PLXNA4: variants seen among roughly 807,000 people sequenced by gnomAD.
PLXNA4 encodes the protein plexin A4, also known as plexin-A4.
A neutral mutation model predicts 191.8 loss-of-function variants in PLXNA4; 44 were observed. The observed-to-expected ratio is 0.23, with a 90% CI of 0.18 to 0.29. PLXNA4 has a LOEUF of 0.29. Ranked by LOEUF, PLXNA4 falls within the 10% of genes least tolerant of loss-of-function variation. The pLI is 1.00. For missense variants in PLXNA4, 1,800 were observed against 2,488.8 expected, an observed-to-expected ratio of 0.72 and a Z score of 5.89; for synonymous variants, 1,082 against 1,009.5, an observed-to-expected ratio of 1.07 and a Z score of -1.36.
intron 3 of PLXNA4, among the ~76,000 whole-genome samples, chr7:132,394,320 C>T (rs1793658266): frequency 6.6e-6 from 1 of 152,108 alleles, no homozygotes; most frequent in Non-Finnish European, 1.5e-5. Flanking sequence ...GGTCCCTCCT[C>T]CCTAGCTAAT....
At chr7:132,257,387 G>T (rs1457428286) in intron 4 of PLXNA4, among the ~76,000 whole-genome samples, 2 of 152,296 alleles carry the variant, frequency 1.3e-5, no homozygotes, top group East Asian at 3.9e-4. Context: ...TCCAAATAAG[G>T]CTCTCTATCA....
intron 4 of PLXNA4, among the ~76,000 whole-genome samples, chr7:132,273,661 T>C (rs1341919496): frequency 6.6e-6 from 1 of 152,146 alleles, no homozygotes; most frequent in African/African-American, 2.4e-5. Flanking sequence ...GACTCCCTAC[T>C]TGAGTTTCCT....
intron 14 of PLXNA4, among the ~76,000 whole-genome samples, chr7:132,193,188 C>T (rs949645824): frequency 6.6e-6 from 1 of 152,186 alleles, no homozygotes; most frequent in Non-Finnish European, 1.5e-5. Flanking sequence ...ATTAATGTTA[C>T]TATCATAGGA....
intron 3 of PLXNA4, among the ~76,000 whole-genome samples, chr7:132,458,919 C>T (rs543645172): frequency 1.3e-5 from 2 of 152,308 alleles, no homozygotes; most frequent in East Asian, 3.9e-4. Flanking sequence ...GGGACAAGCA[C>T]TGCAAATGAG....
chr7:132,555,568 A>G (rs1800767444), intron 1 of PLXNA4, among the ~76,000 whole-genome samples: 1 of 152,154 alleles, frequency 6.6e-6, no homozygotes, highest in Non-Finnish European at 1.5e-5. Flanking sequence ...TGTGCAAGCT[A>G]TTTCCCACGT....
At chr7:132,630,051 T>C (rs1563199012) in intron 2 of PLXNA4, among the ~76,000 whole-genome samples, 1 of 152,120 alleles carries the variant, frequency 6.6e-6, no homozygotes, top group South Asian at 2.1e-4. Context: ...AGGGTTCCAC[T>C]GTGTTAGCCA....
At chr7:132,250,221 A>T (rs921412497) in intron 4 of PLXNA4, among the ~76,000 whole-genome samples, 2 of 152,148 alleles carry the variant, frequency 1.3e-5, no homozygotes, top group Non-Finnish European at 2.9e-5. Context: ...TGCTAATGGC[A>T]ACTCTGTTGT....
chr7:132,480,763 G>C (rs114569844), intron 3 of PLXNA4, among the ~76,000 whole-genome samples: 1 of 152,124 alleles, frequency 6.6e-6, no homozygotes, highest in Non-Finnish European at 1.5e-5. Context: ...CCTCCCACTC[G>C]GCCACGGGAT....
intron 2 of PLXNA4, among the ~76,000 whole-genome samples, chr7:132,499,737 A>G (rs1798171334): frequency 6.6e-6 from 1 of 152,000 alleles, no homozygotes; most frequent in African/African-American, 2.4e-5. Context: ...TATTAGCCCC[A>G]CTCTCACGGC....
intron 1 of PLXNA4, among the ~76,000 whole-genome samples, chr7:132,551,622 T>G (rs1456313010): frequency 6.6e-6 from 1 of 152,146 alleles, no homozygotes; most frequent in African/African-American, 2.4e-5. Context: ...CCCTGTACTG[T>G]ACTCTCTCAA....
Position 132,140,823 on chromosome 7 carries a change from G to T in PLXNA4, c.5226-12C>A, listed in dbSNP as rs1795247024. On this transcript the variant is annotated splice_polypyrimidine_tract_variant and intron_variant, in intron 29 of 31. Transcript: ENST00000321063. ...ACCTCAGGGGCAGGCTGCGTGGAAG[G>T]AAGAGGCAGATGGTCAGGAAAGACG... The T allele has an allele frequency of 6.2e-7, 1 of 1,613,686 alleles. No individual in the cohort carries two copies. The highest frequency in any genetic ancestry group is 1.3e-5 in the African/African-American group (1 of 74,920).
intron 2 of PLXNA4, 95 bp from the exon 3 acceptor site, chr7:132,489,569 G>C: frequency 1.9e-6 from 2 of 1,076,324 alleles, no homozygotes; most frequent in Non-Finnish European, 2.6e-6. Flanking sequence ...AGAATCCTTA[G>C]AGATGAAACA....
intron 8 of PLXNA4, among the ~76,000 whole-genome samples, 163 bp downstream of exon 8, chr7:132,225,998 T>TTC (rs1385743115): frequency 6.7e-6 from 1 of 149,392 alleles, no homozygotes; most frequent in Non-Finnish European, 1.5e-5. Flanking sequence ...CCTCTGGGGC[T>TTC]TCTAAATGGT....
chr7:132,535,844 C>T (rs1296607447), intron 1 of PLXNA4, among the ~76,000 whole-genome samples: 1 of 152,162 alleles, frequency 6.6e-6, no homozygotes, highest in Non-Finnish European at 1.5e-5. Flanking sequence ...CGTGGCTGAA[C>T]ACTTGACCCC....
At chr7:132,239,282 G>A (rs1798802183) in intron 5 of PLXNA4, among the ~76,000 whole-genome samples, 1 of 152,282 alleles carries the variant, frequency 6.6e-6, no homozygotes, top group Admixed American at 6.5e-5. Context: ...CCCTGGGGGT[G>A]GGAGGTGGGG....
At chr7:132,148,461 AC>A in intron 26 of PLXNA4, 81 bp downstream of exon 26, 1 of 1,570,160 alleles carries the variant, frequency 6.4e-7, no homozygotes, top group Non-Finnish European at 8.7e-7. Context: ...CTTGGTGTCT[AC>A]CCCTGTTATT....
At chr7:132,273,323 AACACAC>A (rs749633900) in intron 4 of PLXNA4, among the ~76,000 whole-genome samples, 4 of 149,620 alleles carry the variant, frequency 2.7e-5, no homozygotes, top group East Asian at 1.9e-4. Flanking sequence ...ATTGGTTTTC[AACACAC>A]ACACACACAC....
Position 132,168,175 on chromosome 7 carries a change from G to A in PLXNA4, c.4286+129C>T. 4 of 1,327,668 alleles carry A rather than the reference G, an allele frequency of 3.0e-6. No homozygotes were observed. In the Admixed American group the frequency reaches 1.3e-4, roughly 43 times the overall value. 82.2% of individuals were successfully genotyped at this position (1,327,668 alleles called of 1,614,324 possible). On this transcript the variant is annotated intron_variant, in intron 22 of 31. Coordinates refer to ENST00000321063, the MANE Select transcript of PLXNA4 (RefSeq NM_020911.2). ...GGCCTGCAATGTAGTCCTGGCTCTG[G>A]GCTAGTTAGTGACTTGAACTTGGGA... is the stretch of plus-strand genomic sequence containing the variant.
chr7:132,366,405 C>A (rs1013431768), intron 3 of PLXNA4, among the ~76,000 whole-genome samples: 16 of 151,946 alleles, frequency 1.1e-4, no homozygotes, highest in Non-Finnish European at 1.8e-4. Context: ...GTGCCTGTAA[C>A]CCCAGCTACT....
Sources: allele counts gnomAD v4.1 joint callset (sites outside exome capture counted in the v4.1 genomes callset), GRCh38; gene constraint gnomAD v4.1.1; transcripts MANE v1.5; gene names NCBI Gene and HGNC (gene_info 2026-07-23, HGNC 2026-07-21).